The following XKR6 variants were observed in gnomAD, a reference collection of about 807,000 sequenced individuals.
XKR6 encodes the protein XK related 6, also known as XK-related protein 6.
A neutral mutation model predicts 56.7 loss-of-function variants in XKR6; 22 were observed. The observed-to-expected ratio is 0.39, with a 90% CI of 0.28 to 0.55. The LOEUF is 0.55. Ranked by LOEUF, XKR6 falls within the 20% of genes least tolerant of loss-of-function variation. The pLI is 0.66. For missense variants in XKR6, 852 were observed against 889.0 expected, an observed-to-expected ratio of 0.96 and a Z score of 0.53; for synonymous variants, 524 against 387.8, an observed-to-expected ratio of 1.35 and a Z score of -4.13.
intron 1 of XKR6, among the ~76,000 whole-genome samples, chr8:11,015,481 C>T (rs550053368): frequency 1.3e-5 from 2 of 152,120 alleles, no homozygotes; most frequent in African/African-American, 4.8e-5. Flanking sequence ...AACCACCCCC[C>T]ACCCCCACCT....
At chr8:11,121,508 T>C (rs1403998226) in intron 1 of XKR6, among the ~76,000 whole-genome samples, 3 of 152,300 alleles carry the variant, frequency 2.0e-5, no homozygotes, top group Non-Finnish European at 4.4e-5. Flanking sequence ...CCTGTTAGAA[T>C]GGCGATCATT....
intron 1 of XKR6, among the ~76,000 whole-genome samples, chr8:11,037,197 A>T (rs59008721): frequency 0.024 from 3,694 of 152,284 alleles, 137 homozygotes; most frequent in African/African-American, 0.077. Flanking sequence ...ACCACCACTT[A>T]TGTGATTACA....
intron 1 of XKR6, among the ~76,000 whole-genome samples, chr8:10,969,017 T>C (rs1802317255): frequency 6.6e-6 from 1 of 152,210 alleles, no homozygotes; most frequent in African/African-American, 2.4e-5. Flanking sequence ...GAACTAAAAT[T>C]GTCAGAAATT....
intron 1 of XKR6, among the ~76,000 whole-genome samples, chr8:11,140,197 C>A (rs964116252): frequency 6.6e-6 from 1 of 150,668 alleles, no homozygotes; most frequent in Non-Finnish European, 1.5e-5. Flanking sequence ...GCAAAGAATA[C>A]CTGAAACAGA....
At chr8:11,141,930 G>T (rs1271653775) in intron 1 of XKR6, among the ~76,000 whole-genome samples, 1 of 151,738 alleles carries the variant, frequency 6.6e-6, no homozygotes, top group Non-Finnish European at 1.5e-5. Flanking sequence ...TCTGGTAACT[G>T]GTTATAGGGA....
At chr8:11,196,325 A>C (rs1400661829) in intron 1 of XKR6, among the ~76,000 whole-genome samples, 2 of 152,198 alleles carry the variant, frequency 1.3e-5, no homozygotes, top group Admixed American at 1.3e-4. Flanking sequence ...TATCCCATAA[A>C]AGGCAAAGAG....
intron 1 of XKR6, among the ~76,000 whole-genome samples, chr8:11,170,954 A>C (rs1381770426): frequency 2.6e-5 from 4 of 152,234 alleles, no homozygotes; most frequent in Non-Finnish European, 5.9e-5. Context: ...ACTCTGTTCT[A>C]TCACCCTTCA....
chr8:10,897,853 G>A lies in XKR6; in HGVS notation c.*99C>T. 1 of 1,449,798 alleles carries A rather than the reference G, an allele frequency of 6.9e-7. No homozygotes were observed. The highest frequency in any genetic ancestry group is 9.1e-7 in the Non-Finnish European group (1 of 1,097,206). 89.8% of individuals were successfully genotyped at this position (1,449,798 alleles called of 1,614,324 possible). ...TGGCGGTGTTGGTGGTGGTGGCGGT[G>A]GTTCTGTGTATTGGGGGAAGGGAGG... On this transcript the variant is annotated 3_prime_UTR_variant, in exon 3 of 3. Coordinates refer to ENST00000416569, the MANE Select transcript of XKR6 (RefSeq NM_173683.4).
chr8:11,157,988 A>T (rs10092793), intron 1 of XKR6, among the ~76,000 whole-genome samples: 12 of 152,176 alleles, frequency 7.9e-5, no homozygotes, highest in African/African-American at 2.2e-4. Flanking sequence ...CTGTTGAGTC[A>T]ATTGCAATTA....
At chr8:11,099,505 C>T (rs906447592) in intron 1 of XKR6, among the ~76,000 whole-genome samples, 26 of 152,164 alleles carry the variant, frequency 1.7e-4, no homozygotes, top group African/African-American at 6.3e-4. Flanking sequence ...GCCTGGAGAG[C>T]GAGCTCTGAG....
intron 1 of XKR6, among the ~76,000 whole-genome samples, chr8:11,074,359 G>C (rs960137672): frequency 2.0e-4 from 31 of 152,174 alleles, no homozygotes; most frequent in Non-Finnish European, 7.4e-5. Context: ...GGTAAGTGTT[G>C]AGTTAGTGAC....
At chr8:10,902,173 A>G (rs1259135774) in intron 2 of XKR6, among the ~76,000 whole-genome samples, 4 of 152,248 alleles carry the variant, frequency 2.6e-5, no homozygotes, top group Non-Finnish European at 4.4e-5. Context: ...GTTGCAAGAC[A>G]TCACTGCTAA....
intron 1 of XKR6, among the ~76,000 whole-genome samples, chr8:10,986,094 C>T (rs1381164095): frequency 1.3e-5 from 2 of 152,180 alleles, no homozygotes; most frequent in African/African-American, 2.4e-5. Flanking sequence ...GTAGACAGAT[C>T]TACTGGAGAT....
rs926817944 is a variant in XKR6, at chr8:10,944,503, G to GC, written c.765-19674dup. 6.6e-5 allele frequency among the ~76,000 whole-genome samples: 10 copies of GC among 152,280 alleles called. No homozygotes were observed. In the South Asian group the frequency reaches 1.7e-3, roughly 25 times the overall value. On this transcript the variant is annotated intron_variant, in intron 1 of 2. Coordinates refer to ENST00000416569, the MANE Select transcript of XKR6 (RefSeq NM_173683.4). The stretch of plus-strand genomic sequence containing the variant: ...CATTCACCACACGGCAGGGCAGGGT[G>GC]CCCCACACCCACACACAAATCCCAC...
In XKR6 at chr8:11,197,940, A is replaced by G. The variant is rs566659749; in HGVS notation, c.764+2636T>C. Among the ~76,000 whole-genome samples the G allele has an allele frequency of 2.6e-5, 4 of 152,364 alleles. No homozygotes were observed. In the South Asian group the frequency reaches 6.2e-4, roughly 24 times the overall value. On this transcript the variant is annotated intron_variant, in intron 1 of 2. Coordinates refer to ENST00000416569, the MANE Select transcript of XKR6 (RefSeq NM_173683.4). ...GTAAAGAGACAAGTATTCACGGGTT[A>G]ATGGAATCAGTTTTGACAATGTACA...
At chr8:10,964,712 G>A (rs2094090597) in intron 1 of XKR6, among the ~76,000 whole-genome samples, 2 of 152,140 alleles carry the variant, frequency 1.3e-5, no homozygotes, top group South Asian at 2.1e-4. Flanking sequence ...CCACCCTGGA[G>A]TCACCTGGTC....
chr8:10,932,472 C>T (rs7461177), intron 1 of XKR6, among the ~76,000 whole-genome samples: 65,059 of 142,264 alleles, frequency 0.46, 16,112 homozygotes, highest in African/African-American at 0.57. Context: ...ATGTGCACAT[C>T]GTGCAGGTTA....
chr8:10,927,541 T>C (rs528126107), intron 1 of XKR6, among the ~76,000 whole-genome samples: 123 of 152,146 alleles, frequency 8.1e-4, no homozygotes, highest in African/African-American at 2.8e-3. Context: ...ACTAACCCTA[T>C]CCATCTGGGT....
intron 1 of XKR6, among the ~76,000 whole-genome samples, chr8:11,185,429 C>G (rs1803220439): frequency 6.6e-6 from 1 of 152,190 alleles, no homozygotes. Flanking sequence ...CGTAGTTTCA[C>G]TTCAAATTGC....
Sources: gnomAD v4.1 joint callset for allele counts (sites outside exome capture counted in the v4.1 genomes callset) on GRCh38, gnomAD v4.1.1 for gene constraint, MANE v1.5 for transcripts, NCBI Gene and HGNC (gene_info 2026-07-23, HGNC 2026-07-21) for gene names.